CSF2RB: variants seen among roughly 807,000 people sequenced by gnomAD.
CSF2RB encodes the protein colony stimulating factor 2 receptor subunit beta.
A neutral mutation model predicts 67.2 loss-of-function variants in CSF2RB; 22 were observed. The ratio of observed to expected loss-of-function variants is 0.33; its 90% CI spans 0.23 to 0.47. The LOEUF (loss-of-function observed/expected upper bound fraction) is 0.47, where lower values mean the gene tolerates loss of function less well. Among genes scored for constraint, CSF2RB ranks in the 20% least tolerant of loss-of-function variants. CSF2RB has a pLI of 1.00. For missense variants in CSF2RB, 1,113 were observed against 1,174.5 expected (o/e 0.95, Z 0.76); for synonymous variants, 507 against 482.9 (o/e 1.05, Z -0.65).
Position 36,930,908 on chromosome 22 carries a change from G to T in CSF2RB, c.1012+78G>T. ...ATTGTGTAACCCGAATCAGTTCAGG[G>T]TTCCTCCTGGCCCCGTCTTCATGTT... is the stretch of plus-strand genomic sequence containing the variant. On this transcript the variant is annotated intron_variant, in intron 8 of 13. Transcript: ENST00000403662. 3 of 1,537,386 alleles carry T rather than the reference G, an allele frequency of 2.0e-6. No homozygotes were observed. The South Asian group carries it at 3.4e-5, about 17-fold the overall frequency.
intron 4 of CSF2RB, among the ~76,000 whole-genome samples, chr22:36,927,425 A>G (rs1045676774): frequency 6.6e-6 from 1 of 152,054 alleles, no homozygotes; most frequent in Non-Finnish European, 1.5e-5. Flanking sequence ...GGCTTCCCAG[A>G]GGGAAGAGCT....
At chr22:36,915,090 T>C (rs1250583020) in intron 1 of CSF2RB, among the ~76,000 whole-genome samples, 1 of 152,164 alleles carries the variant, frequency 6.6e-6, no homozygotes, top group Non-Finnish European at 1.5e-5. Flanking sequence ...TGTTTTGTTT[T>C]GTTTTGTTTT....
Position 36,939,882 on chromosome 22 carries a change from C to T in CSF2RB, c.*1380C>T, listed in dbSNP as rs1283589067. 1.3e-5 allele frequency: 2 copies of T among 152,214 alleles called. No individual in the cohort carries two copies. Among genetic ancestry groups the T allele is most frequent in the African/African-American group, 4.8e-5 (2 of 41,456 alleles). The allele number at this position is 152,214 out of a possible 1,614,324, so 9.4% of individuals were successfully genotyped here. ...TTTTACTGTCAGATTTACAAAGGTC[C>T]TCCCATTGCAAAGCAGTGTTTGTCC... On this transcript the variant is annotated 3_prime_UTR_variant, in exon 14 of 14. Transcript: ENST00000403662.
At chr22:36,936,289 G>T (rs928706444) in intron 12 of CSF2RB, among the ~76,000 whole-genome samples, 2 of 152,100 alleles carry the variant, frequency 1.3e-5, no homozygotes, top group African/African-American at 4.8e-5. Context: ...ATGGGGGTGA[G>T]CATGGAGACA....
At chr22:36,923,904 G>GC (rs942625396) in intron 3 of CSF2RB, 6 of 720,444 alleles carry the variant, frequency 8.3e-6, no homozygotes, top group South Asian at 4.8e-5. Flanking sequence ...GCTCTCCCAG[G>GC]CCCCCCCTCC....
intron 4 of CSF2RB, among the ~76,000 whole-genome samples, chr22:36,926,542 GAGGCCC>G (rs1014654088): frequency 1.3e-5 from 2 of 152,228 alleles, no homozygotes; most frequent in Non-Finnish European, 2.9e-5. Context: ...TGTGGCCCTT[GAGGCCC>G]AGGAGGTCAG....
rs772019495 is a variant in CSF2RB at position 36,930,853 on chromosome 22, G to C, written c.1012+23G>C. 8 of 1,613,858 alleles carry C rather than the reference G, an allele frequency of 5.0e-6. No individual in the cohort carries two copies. The African/African-American group carries it at 1.1e-4, about 22-fold the overall frequency. On this transcript the variant is annotated intron_variant, in intron 8 of 13. Transcript: ENST00000403662. ...ACAGTGAGTTTGCTCCTAGCCCGCT[G>C]TGGGGATGGTCTGGGACCAGCACAC...
At chr22:36,929,060 A>G (rs1243503311) in intron 4 of CSF2RB, among the ~76,000 whole-genome samples, 5 of 152,314 alleles carry the variant, frequency 3.3e-5, no homozygotes, top group Non-Finnish European at 7.4e-5. Context: ...GCTGAACCGC[A>G]GGCCCCTCTG....
chr22:36,937,461 G>A lies in CSF2RB; in HGVS notation c.1653G>A (p.Gly551=). ...DPKHVCDPPS[G]PDTTPAASDL... ...AGCATGTCTGTGATCCACCATCTGGGCCTGACACGACTCCAGCTGCCTCAG... is the reference window on the plus strand; with the variant it reads ...AGCATGTCTGTGATCCACCATCTGGACCTGACACGACTCCAGCTGCCTCAG... Residue 551 remains glycine, a synonymous_variant, in exon 14 of 14, where the codon GGG becomes GGA. Transcript: ENST00000403662. This position sits in a 1 kb window ranked among gnomAD's most constrained non-coding sequence, Gnocchi z 4.6. 6.2e-7 allele frequency: 1 copy of A among 1,613,982 alleles called. No individual in the cohort carries two copies. Among genetic ancestry groups the A allele is most frequent in the Non-Finnish European group, 8.5e-7 (1 of 1,179,984 alleles).
intron 8 of CSF2RB, among the ~76,000 whole-genome samples, chr22:36,931,369 T>C (rs1941144579): frequency 6.6e-6 from 1 of 152,238 alleles, no homozygotes; most frequent in Non-Finnish European, 1.5e-5. Flanking sequence ...CCATCCAGTC[T>C]TTAGCATATG....
rs1180526476 is a variant in CSF2RB, at chr22:36,935,385, C to T, written c.1350C>T (p.Ile450=). 17 of 1,614,086 alleles carry T rather than the reference C, an allele frequency of 1.1e-5. No homozygotes were observed. Among genetic ancestry groups the T allele is most frequent in the Non-Finnish European group, 1.4e-5 (16 of 1,180,050 alleles). Reference sequence around the variant, plus strand: ...TGTGGGTGCTGGCCCTCATCGTGATCTTCCTCACCATCGCTGTGCTCCTGG... The same window carrying T: ...TGTGGGTGCTGGCCCTCATCGTGATTTTCCTCACCATCGCTGTGCTCCTGG... ...LPMWVLALIV[I]FLTIAVLLAL... Residue 450 remains isoleucine (I), a synonymous_variant, in exon 11 of 14, where the codon ATC becomes ATT. Coordinates refer to ENST00000403662, the MANE Select transcript of CSF2RB (RefSeq NM_000395.3).
Position 36,938,376 on chromosome 22 carries a change from AG to A in CSF2RB, c.2569del (p.Val857SerfsTer21), listed in dbSNP as rs778339987. ...EIKNLDQAFQ[V>X]KKPPGQAVPQ... is the part of the protein sequence containing the mutation. ...TCAAGAACCTAGACCAGGCTTTTCA[AG>A]TCAAGAAGCCCCCAGGCCAGGCTGT... On this transcript the variant is annotated frameshift_variant, in exon 14 of 14. Coordinates refer to ENST00000403662, the MANE Select transcript of CSF2RB (RefSeq NM_000395.3). LOFTEE classifies it low-confidence loss of function (END_TRUNC). The A allele has an allele frequency of 1.2e-6, 2 of 1,614,164 alleles. No homozygotes were observed. The highest frequency in any genetic ancestry group is 1.7e-6 in the Non-Finnish European group (2 of 1,180,014).
At chr22:36,919,113 C>A (rs993036419) in intron 1 of CSF2RB, among the ~76,000 whole-genome samples, 1 of 152,198 alleles carries the variant, frequency 6.6e-6, no homozygotes, top group African/African-American at 2.4e-5. Flanking sequence ...AGGAAATAGA[C>A]CTTTTTATTC....
At chr22:36,936,498 C>T (rs760770677) in intron 12 of CSF2RB, 51 bp from the exon 13 acceptor site, 2 of 1,542,660 alleles carry the variant, frequency 1.3e-6, no homozygotes, top group Non-Finnish European at 1.8e-6. Context: ...TGCCTTGCCC[C>T]CACCTCGGAC....
chr22:36,922,232 T>C lies in CSF2RB; in HGVS notation c.25T>C (p.Ser9Pro), dbSNP rs1226839294. ...GATGGTGCTGGCCCAGGGGCTGCTCTCCATGGCCCTGCTGGCCCTGTGCTG... is the reference window on the plus strand; with the variant it reads ...GATGGTGCTGGCCCAGGGGCTGCTCCCCATGGCCCTGCTGGCCCTGTGCTG... MVLAQGLLSMALLALCWER... is the reference protein window; with the variant it reads MVLAQGLLPMALLALCWER... Residue 9 changes from serine (S) to proline (P), a missense_variant, in exon 2 of 14, where the codon TCC becomes CCC. By Grantham distance (74) the Ser-to-Pro change is moderately conservative. Transcript: ENST00000403662. 1.3e-6 allele frequency: 2 copies of C among 1,590,912 alleles called. No individual in the cohort carries two copies. The highest frequency in any genetic ancestry group is 1.1e-5 in the South Asian group (1 of 87,246).
intron 1 of CSF2RB, among the ~76,000 whole-genome samples, chr22:36,921,807 G>A (rs1433812451): frequency 1.3e-5 from 2 of 151,734 alleles, no homozygotes; most frequent in Non-Finnish European, 2.9e-5. Flanking sequence ...CTAGGCCCCT[G>A]TCTCAGCTGC....
chr22:36,929,347 C>T (rs1941095580), intron 4 of CSF2RB, 55 bp from the exon 5 acceptor site: 2 of 1,613,318 alleles, frequency 1.2e-6, no homozygotes, highest in South Asian at 1.1e-5. Context: ...CATGCAGGCC[C>T]TGACTGCCCC....
chr22:36,937,894 C>G lies in CSF2RB; in HGVS notation c.2086C>G (p.Pro696Ala). 1 of 1,614,114 alleles carries G rather than the reference C, an allele frequency of 6.2e-7. No individual in the cohort carries two copies. The highest frequency in any genetic ancestry group is 8.5e-7 in the Non-Finnish European group (1 of 1,179,994). The change falls in exon 14 of 14, where the codon CCC becomes GCC. Residue 696 changes from proline (P) to alanine (A), a missense_variant. Around this residue, in one of 2 missense-constraint regions of CSF2RB, gnomAD observed 554 missense variants for 517.9 expected, o/e 1.07. Coordinates refer to ENST00000403662, the MANE Select transcript of CSF2RB (RefSeq NM_000395.3). This position sits in a 1 kb window ranked among gnomAD's most constrained non-coding sequence, Gnocchi z 4.6. Reference protein sequence around the residue: ...QDQKDSPVAIPMSSGDTEDPG... With the variant: ...QDQKDSPVAIAMSSGDTEDPG... ...CCAAAAGGACAGCCCTGTGGCTATA[C>G]CCATGAGCTCTGGGGACACTGAGGA... is the stretch of plus-strand genomic sequence containing the variant.
intron 8 of CSF2RB, among the ~76,000 whole-genome samples, 168 bp downstream of exon 8, chr22:36,930,998 G>A (rs533563300): frequency 2.0e-5 from 3 of 152,124 alleles, no homozygotes; most frequent in Non-Finnish European, 4.4e-5. Context: ...AAACCACGAC[G>A]GCAGTGGCCA....
Sources: allele counts gnomAD v4.1 joint callset (sites outside exome capture counted in the v4.1 genomes callset), GRCh38; gene constraint gnomAD v4.1.1; regional missense constraint gnomAD v4.1.1; non-coding constraint Gnocchi (gnomAD v3.1); transcripts MANE v1.5; gene names NCBI Gene and HGNC (gene_info 2026-07-23, HGNC 2026-07-21).